Variants in INSYN2B observed in about 807,000 individuals in gnomAD.
INSYN2B encodes the protein inhibitory synaptic factor family member 2B.
Under a neutral mutation model 41.2 loss-of-function variants are expected in INSYN2B, and 16 were observed. The observed-to-expected ratio is 0.39, with a 90% CI of 0.26 to 0.59. The LOEUF (loss-of-function observed/expected upper bound fraction) is 0.59, where lower values mean the gene tolerates loss of function less well. INSYN2B is among the 20% of genes least tolerant of loss of function. The pLI, the probability that INSYN2B is intolerant of heterozygous loss-of-function variation, is 0.57. For missense variants in INSYN2B, 608 were observed against 646.4 expected (o/e 0.94, Z 0.64); for synonymous variants, 245 against 244.4 (o/e 1.00, Z -0.02).
At chr5:169,954,219 A>G (rs1776775873) in intron 1 of INSYN2B, among the ~76,000 whole-genome samples, 1 of 152,252 alleles carries the variant, frequency 6.6e-6, no homozygotes, top group Non-Finnish European at 1.5e-5. Flanking sequence ...TGACTAACTC[A>G]TGGCTATGAA....
At chr5:169,944,432 G>A (rs1776367033) in intron 1 of INSYN2B, among the ~76,000 whole-genome samples, 1 of 152,202 alleles carries the variant, frequency 6.6e-6, no homozygotes, top group East Asian at 1.9e-4. Context: ...GTTGCAAGGA[G>A]CCAGCCGTGA....
At chr5:169,972,165 A>G (rs1338868427) in intron 1 of INSYN2B, among the ~76,000 whole-genome samples, 6 of 152,290 alleles carry the variant, frequency 3.9e-5, no homozygotes, top group Admixed American at 1.3e-4. Context: ...ATCTCTATCA[A>G]TCTTGTAGTT....
chr5:169,925,352 T>A (rs368987247), intron 1 of INSYN2B, among the ~76,000 whole-genome samples: 1 of 152,098 alleles, frequency 6.6e-6, no homozygotes, highest in East Asian at 1.9e-4. Context: ...GAGGCTGAGG[T>A]GGGCAGATCA....
At chr5:169,956,308 G>C (rs2113735303) in intron 1 of INSYN2B, among the ~76,000 whole-genome samples, 1 of 152,330 alleles carries the variant, frequency 6.6e-6, no homozygotes, top group African/African-American at 2.4e-5. Context: ...GGAGCGGCTA[G>C]AAAAAATTAG....
intron 3 of INSYN2B, among the ~76,000 whole-genome samples, chr5:169,881,115 A>G (rs1772618884): frequency 6.6e-6 from 1 of 152,228 alleles, no homozygotes; most frequent in African/African-American, 2.4e-5. Flanking sequence ...GCAAATGTGC[A>G]TGCCAAGCTT....
intron 1 of INSYN2B, among the ~76,000 whole-genome samples, chr5:169,907,898 C>T (rs537347169): frequency 1.2e-4 from 18 of 152,306 alleles, no homozygotes; most frequent in African/African-American, 4.1e-4. Context: ...ACACAGGAAC[C>T]GTTGGCCAGT....
chr5:169,972,844 G>C (rs552317826), intron 1 of INSYN2B, among the ~76,000 whole-genome samples: 2 of 152,280 alleles, frequency 1.3e-5, no homozygotes, highest in South Asian at 4.1e-4. Flanking sequence ...CCTTGCTGCA[G>C]TTAAGCACTG....
At chr5:169,979,256 C>A (rs1375008247) in intron 1 of INSYN2B, among the ~76,000 whole-genome samples, 1 of 152,164 alleles carries the variant, frequency 6.6e-6, no homozygotes, top group African/African-American at 2.4e-5. Flanking sequence ...AGTGTTAGGG[C>A]TGTCTAAGTT....
At chr5:169,889,712 A>C (rs1054089499) in intron 1 of INSYN2B, among the ~76,000 whole-genome samples, 3 of 152,246 alleles carry the variant, frequency 2.0e-5, no homozygotes, top group Non-Finnish European at 4.4e-5. Flanking sequence ...CAGATCTGCC[A>C]TTGTGGCAAG....
chr5:169,944,649 TCAC>T (rs1024406626), intron 1 of INSYN2B, among the ~76,000 whole-genome samples: 2 of 152,216 alleles, frequency 1.3e-5, no homozygotes, highest in African/African-American at 4.8e-5. Context: ...AATCCCCACT[TCAC>T]AATGATTGGG....
chr5:169,899,691 G>A (rs1333943915), intron 1 of INSYN2B, among the ~76,000 whole-genome samples: 1 of 152,162 alleles, frequency 6.6e-6, no homozygotes, highest in Non-Finnish European at 1.5e-5. Context: ...TTGGGAGATG[G>A]TATTGCCATC....
At position 169,883,761 on chromosome 5, in the gene INSYN2B, C is replaced by A; in HGVS notation, c.138G>T (p.Lys46Asn). The change falls in exon 2 of 4, where the codon AAG becomes AAT. Residue 46 changes from lysine to asparagine, a missense_variant. Coordinates refer to ENST00000377365, the MANE Select transcript of INSYN2B (RefSeq NM_001129891.3). ...QVRFKEDGTT[K>N]NPTGLAEVDV... Reference sequence around the variant, plus strand: ...CAACCTCAGCTAGGCCAGTTGGATTCTTAGTGGTCCCATCTTCCTTGAATC... The same window carrying A: ...CAACCTCAGCTAGGCCAGTTGGATTATTAGTGGTCCCATCTTCCTTGAATC... The A allele has an allele frequency of 6.4e-7, 1 of 1,551,626 alleles. No homozygotes were observed. Among genetic ancestry groups the A allele is most frequent in the Non-Finnish European group, 8.7e-7 (1 of 1,146,948 alleles).
At chr5:169,924,131 G>A (rs1053905908) in intron 1 of INSYN2B, among the ~76,000 whole-genome samples, 2 of 152,280 alleles carry the variant, frequency 1.3e-5, no homozygotes, top group South Asian at 2.1e-4. Context: ...GCACCTGCAT[G>A]CTCCCAGTCT....
intron 1 of INSYN2B, among the ~76,000 whole-genome samples, chr5:169,949,522 C>T (rs1776577386): frequency 6.6e-6 from 1 of 151,640 alleles, no homozygotes; most frequent in Admixed American, 6.6e-5. Flanking sequence ...CCTGGAACTC[C>T]ATACTGAATG....
chr5:169,948,408 A>G (rs1776528838), intron 1 of INSYN2B, among the ~76,000 whole-genome samples: 1 of 152,078 alleles, frequency 6.6e-6, no homozygotes, highest in Non-Finnish European at 1.5e-5. Flanking sequence ...CTGTTTTTTC[A>G]TACCCATTCA....
intron 1 of INSYN2B, among the ~76,000 whole-genome samples, chr5:169,970,367 A>G (rs1248952095): frequency 6.6e-6 from 1 of 152,254 alleles, no homozygotes; most frequent in East Asian, 1.9e-4. Context: ...TATCAGCCTT[A>G]AGGTTCATTT....
chr5:169,926,032 T>C (rs1043551313), intron 1 of INSYN2B, among the ~76,000 whole-genome samples: 2 of 152,216 alleles, frequency 1.3e-5, no homozygotes, highest in Admixed American at 6.5e-5. Context: ...TCGTCAGCTC[T>C]GGTTAGTCTC....
intron 1 of INSYN2B, among the ~76,000 whole-genome samples, chr5:169,928,479 A>G (rs146112386): frequency 6.6e-6 from 1 of 152,288 alleles, no homozygotes; most frequent in Non-Finnish European, 1.5e-5. Flanking sequence ...TCGCTTCCCC[A>G]TGCATCAGTG....
intron 1 of INSYN2B, among the ~76,000 whole-genome samples, chr5:169,898,595 A>T (rs1050668370): frequency 6.6e-6 from 1 of 152,170 alleles, no homozygotes; most frequent in East Asian, 1.9e-4. Flanking sequence ...TCAATGAAAG[A>T]ATGACAGTTA....
Sources: gnomAD v4.1 joint callset for allele counts (sites outside exome capture counted in the v4.1 genomes callset) on GRCh38, gnomAD v4.1.1 for gene constraint, MANE v1.5 for transcripts, NCBI Gene and HGNC (gene_info 2026-07-23, HGNC 2026-07-21) for gene names.